TLDC2: variants seen among roughly 807,000 people sequenced by gnomAD.
TLDC2 encodes the protein TBC/LysM-associated domain containing 2, also known as TLD domain-containing protein 2.
A neutral mutation model predicts 27.9 loss-of-function variants in TLDC2; 23 were observed. The observed-to-expected ratio is 0.82, with a 90% CI of 0.59 to 1.17. The LOEUF (loss-of-function observed/expected upper bound fraction) is 1.17, where lower values mean the gene tolerates loss of function less well. Among genes scored for constraint, TLDC2 ranks in the 50% most tolerant of loss-of-function variants. TLDC2 has a pLI of 0.00. For synonymous variants in TLDC2, 124 were observed against 107.4 expected (o/e 1.16, Z -0.96); for missense variants, 286 against 273.4 (o/e 1.05, Z -0.32).
intron 4 of TLDC2, among the ~76,000 whole-genome samples, chr20:36,883,867 G>C (rs1316928286): frequency 6.6e-6 from 1 of 152,186 alleles, no homozygotes; most frequent in Admixed American, 6.5e-5. Context: ...GCCGAGGCAG[G>C]TAGATCACTT....
At chr20:36,883,139 C>CTT (rs199970135) in intron 4 of TLDC2, among the ~76,000 whole-genome samples, 6 of 144,008 alleles carry the variant, frequency 4.2e-5, no homozygotes, top group South Asian at 4.6e-4. Flanking sequence ...CATGGCGTTT[C>CTT]TTTTTTTTTT....
At chr20:36,892,377 G>A (rs1990097792) in intron 6 of TLDC2, 1 of 188,542 alleles carries the variant, frequency 5.3e-6, no homozygotes. Context: ...CTCTTCACGG[G>A]GGCAGGATTT....
At chr20:36,887,370 A>G (rs866409421) in intron 4 of TLDC2, 85 bp from the exon 5 acceptor site, 3 of 1,220,594 alleles carry the variant, frequency 2.5e-6, no homozygotes, top group Middle Eastern at 1.9e-4. Context: ...CCGCCACAAC[A>G]CTGCCATCCA....
chr20:36,894,009 A>G lies in TLDC2; in HGVS notation c.*1165A>G, dbSNP rs1458874486. ...GGCACGAGCGGCAGTGGCAGTGACT[A>G]TTCTGTGGTTCTAGCTTTTGCAGGT... On this transcript the variant is annotated 3_prime_UTR_variant, in exon 7 of 7. Coordinates refer to ENST00000217320, the MANE Select transcript of TLDC2 (RefSeq NM_080628.3). The G allele has an allele frequency of 2.3e-5, 9 of 398,232 alleles. No homozygotes were observed. The highest frequency in any genetic ancestry group is 3.5e-5 in the Non-Finnish European group (8 of 225,972). The allele number at this position is 398,232 out of a possible 1,614,324, so 24.7% of individuals were successfully genotyped here.
intron 4 of TLDC2, among the ~76,000 whole-genome samples, chr20:36,881,644 T>A (rs2148345980): frequency 6.6e-6 from 1 of 152,148 alleles, no homozygotes; most frequent in South Asian, 2.1e-4. Context: ...CCAAACTGGC[T>A]TAACACCGGC....
chr20:36,879,289 G>A, intron 3 of TLDC2, 96 bp downstream of exon 3: 1 of 1,452,432 alleles, frequency 6.9e-7, no homozygotes, highest in Non-Finnish European at 9.1e-7. Context: ...AGCAGGCAGA[G>A]TGACAGACTA....
Position 36,880,070 on chromosome 20 carries a change from CAT to C in TLDC2, c.343-555_343-554del, listed in dbSNP as rs1186641126. Among the ~76,000 whole-genome samples the C allele has an allele frequency of 6.5e-3, 471 of 73,020 alleles. 6 individuals carry two copies. Among genetic ancestry groups the C allele is most frequent in the African/African-American group, 0.02 (419 of 21,264 alleles). 47.9% of individuals were successfully genotyped at this position (73,020 alleles called of 152,430 possible). ...ATTACTTGTGTAGAATATATATATA[CAT>C]ATATATATATATATATATATATATA... On this transcript the variant is annotated intron_variant, in intron 3 of 6. Transcript: ENST00000217320.
At chr20:36,888,976 C>T (rs1015888039) in intron 5 of TLDC2, among the ~76,000 whole-genome samples, 4 of 151,932 alleles carry the variant, frequency 2.6e-5, no homozygotes, top group Admixed American at 6.6e-5. Context: ...GAGCCAGGGT[C>T]GTGCCACTGC....
intron 4 of TLDC2, among the ~76,000 whole-genome samples, chr20:36,882,182 G>C (rs1008938630): frequency 2.6e-5 from 4 of 152,128 alleles, no homozygotes; most frequent in African/African-American, 9.6e-5. Flanking sequence ...CTGCCTCTGG[G>C]TTATTTATTC....
chr20:36,876,354 C>A, intron 1 of TLDC2, 147 bp downstream of exon 1: 1 of 1,049,952 alleles, frequency 9.5e-7, no homozygotes, highest in Non-Finnish European at 1.5e-6. Flanking sequence ...TGGTTTGGAG[C>A]AAGGACTGAC....
chr20:36,878,112 C>T (rs993329431), intron 2 of TLDC2, 58 bp downstream of exon 2: 31 of 1,556,272 alleles, frequency 2.0e-5, no homozygotes, highest in Non-Finnish European at 2.6e-5. Flanking sequence ...GTCTCACCCT[C>T]CTGCCCTACA....
In TLDC2 at chr20:36,876,182, G is replaced by A. The variant is rs1355811353; in HGVS notation, c.8G>A (p.Gly3Asp). ...CTGAGCAGGGACAGGAGAATGAGAGGCCTCCGCTGGCGTTACACTCGGCTG... is the reference window on the plus strand; with the variant it reads ...CTGAGCAGGGACAGGAGAATGAGAGACCTCCGCTGGCGTTACACTCGGCTG... MR[G>D]LRWRYTRLPS... is the part of the protein sequence containing the mutation. Residue 3 changes from glycine (G) to aspartate (D), a missense_variant, in exon 1 of 7, where the codon GGC becomes GAC. By Grantham distance (94) the Gly-to-Asp change is moderately conservative. Coordinates refer to ENST00000217320, the MANE Select transcript of TLDC2 (RefSeq NM_080628.3). 11 of 1,614,188 alleles carry A rather than the reference G, an allele frequency of 6.8e-6. No individual in the cohort carries two copies. Among genetic ancestry groups the A allele is most frequent in the Non-Finnish European group, 8.5e-6 (10 of 1,180,022 alleles).
Position 36,893,256 on chromosome 20 carries a change from C to G in TLDC2, c.*412C>G. The G allele has an allele frequency of 1.5e-6, 1 of 670,524 alleles. No individual in the cohort carries two copies. The allele number at this position is 670,524 out of a possible 1,614,324, so 41.5% of individuals were successfully genotyped here. The stretch of plus-strand genomic sequence containing the variant: ...GCAAATTAGAAACACTACAGTCTTA[C>G]GCAGGAAGAGCCTTCATGAAAACAG... On this transcript the variant is annotated 3_prime_UTR_variant, in exon 7 of 7. Coordinates refer to ENST00000217320, the MANE Select transcript of TLDC2 (RefSeq NM_080628.3).
In TLDC2 at chr20:36,880,070, C is replaced by CATATATATATATATATGT. The variant is rs1335974895; in HGVS notation, c.343-569_343-568insGTATATATATATATATAT. Among the ~76,000 whole-genome samples, 422 of 73,040 alleles carry CATATATATATATATATGT rather than the reference C, an allele frequency of 5.8e-3. 9 individuals are homozygous for CATATATATATATATATGT. Among genetic ancestry groups the CATATATATATATATATGT allele is most frequent in the African/African-American group, 0.019 (403 of 21,276 alleles). 47.9% of individuals were successfully genotyped at this position (73,040 alleles called of 152,430 possible). A position where few individuals can be genotyped will look rare whatever the true frequency, so the allele number is the denominator to read the frequency against. On this transcript the variant is annotated intron_variant, in intron 3 of 6. Transcript: ENST00000217320. ...ATTACTTGTGTAGAATATATATATA[C>CATATATATATATATATGT]ATATATATATATATATATATATATA... is the stretch of plus-strand genomic sequence containing the variant.
chr20:36,892,554 G>A, intron 6 of TLDC2: 1 of 274,884 alleles, frequency 3.6e-6, no homozygotes, highest in African/African-American at 2.2e-5. Flanking sequence ...TACTTGGGGG[G>A]CTGAGGCAGG....
chr20:36,890,491 T>C (rs994488489), intron 6 of TLDC2: 1 of 151,304 alleles, frequency 6.6e-6, no homozygotes, highest in African/African-American at 2.4e-5. Context: ...TGAGACAGAG[T>C]TTCGCTCTTG....
rs201072467 is a variant in TLDC2 at position 36,889,048 on chromosome 20, CAAAT to C, written c.513-191_513-188del. ...ATAAATAAATAAATAAATAAATAAA[CAAAT>C]AAATAAATAAAGCTCTTAACCCCAT... On this transcript the variant is annotated intron_variant, in intron 5 of 6. Coordinates refer to ENST00000217320, the MANE Select transcript of TLDC2 (RefSeq NM_080628.3). Among the ~76,000 whole-genome samples, 474 of 152,006 alleles carry C rather than the reference CAAAT, an allele frequency of 3.1e-3. 7 individuals carry two copies. Among genetic ancestry groups the C allele is most frequent in the East Asian group, 0.014 (74 of 5,180 alleles).
chr20:36,882,067 G>A (rs1601097673), intron 4 of TLDC2, among the ~76,000 whole-genome samples: 1 of 152,174 alleles, frequency 6.6e-6, no homozygotes, highest in African/African-American at 2.4e-5. Flanking sequence ...TTAATGATGA[G>A]TGGGAGAGTG....
intron 4 of TLDC2, among the ~76,000 whole-genome samples, chr20:36,883,442 A>C (rs1217339082): frequency 6.6e-6 from 1 of 151,998 alleles, no homozygotes; most frequent in Non-Finnish European, 1.5e-5. Context: ...GGCCCCAAAC[A>C]TGGCATTTCC....
Sources: gnomAD v4.1 joint callset for allele counts (sites outside exome capture counted in the v4.1 genomes callset) on GRCh38, gnomAD v4.1.1 for gene constraint, MANE v1.5 for transcripts, NCBI Gene and HGNC (gene_info 2026-07-23, HGNC 2026-07-21) for gene names.